The following PPP1R17 variants were observed in gnomAD, a reference collection of about 807,000 sequenced individuals.
The protein encoded by PPP1R17 is protein phosphatase 1 regulatory subunit 17.
Under a neutral mutation model 15.9 loss-of-function variants are expected in PPP1R17, and 12 were observed. The ratio of observed to expected loss-of-function variants is 0.75; its 90% CI spans 0.48 to 1.22. The LOEUF (loss-of-function observed/expected upper bound fraction) is 1.22, where lower values mean the gene tolerates loss of function less well. Among genes scored for constraint, PPP1R17 ranks in the 50% most tolerant of loss-of-function variants. PPP1R17 has a pLI of 0.00. For synonymous variants in PPP1R17, 63 were observed against 64.5 expected (o/e 0.98, Z 0.11); for missense variants, 211 against 187.3 (o/e 1.13, Z -0.74).
chr7:31,700,961 G>A (rs1792824030), intron 4 of PPP1R17, among the ~76,000 whole-genome samples: 1 of 152,132 alleles, frequency 6.6e-6, no homozygotes, highest in African/African-American at 2.4e-5. Flanking sequence ...CATCACCCAA[G>A]AGCTCTGATG....
chr7:31,708,226 T>C lies in PPP1R17; in HGVS notation c.*943T>C, dbSNP rs1176636161. ...CTTGCCCCAGCCTGCAATCTGTGGATGCCCAGGGGAAGGCATACAGGCCTC... is the reference window on the plus strand; with the variant it reads ...CTTGCCCCAGCCTGCAATCTGTGGACGCCCAGGGGAAGGCATACAGGCCTC... On this transcript the variant is annotated 3_prime_UTR_variant, in exon 5 of 5. Transcript: ENST00000342032. The C allele has an allele frequency of 6.6e-6, 1 of 152,212 alleles. No individual in the cohort carries two copies. Among genetic ancestry groups the C allele is most frequent in the Non-Finnish European group, 1.5e-5 (1 of 68,034 alleles). 9.4% of individuals were successfully genotyped at this position (152,212 alleles called of 1,614,324 possible).
chr7:31,688,903 T>C (rs1792219556), intron 1 of PPP1R17, among the ~76,000 whole-genome samples: 1 of 152,176 alleles, frequency 6.6e-6, no homozygotes, highest in African/African-American at 2.4e-5. Flanking sequence ...ATCTGAAACA[T>C]TTTGAAAACC....
At chr7:31,692,007 G>A (rs1792375036) in intron 1 of PPP1R17, among the ~76,000 whole-genome samples, 1 of 152,104 alleles carries the variant, frequency 6.6e-6, no homozygotes, top group Admixed American at 6.5e-5. Context: ...CATCTGTGAA[G>A]TAGACATAAT....
At chr7:31,688,586 G>T (rs2128236617) in intron 1 of PPP1R17, among the ~76,000 whole-genome samples, 2 of 152,318 alleles carry the variant, frequency 1.3e-5, no homozygotes, top group Middle Eastern at 6.8e-3. Context: ...CAAAAGAGAA[G>T]GTGACCTTTG....
chr7:31,707,383 T>C lies in PPP1R17; in HGVS notation c.*100T>C, dbSNP rs759714399. 2 of 1,044,782 alleles carry C rather than the reference T, an allele frequency of 1.9e-6. No individual in the cohort carries two copies. Among genetic ancestry groups the C allele is most frequent in the South Asian group, 1.7e-5 (1 of 59,806 alleles). 64.7% of individuals were successfully genotyped at this position (1,044,782 alleles called of 1,614,324 possible). ...GTTTCTGCTCTCATTTTTGTCATCGTCTGACTTGAAGATTCAGACACCTTC... is the reference window on the plus strand; with the variant it reads ...GTTTCTGCTCTCATTTTTGTCATCGCCTGACTTGAAGATTCAGACACCTTC... On this transcript the variant is annotated 3_prime_UTR_variant, in exon 5 of 5. Transcript: ENST00000342032.
At chr7:31,699,042 C>T (rs886812844) in intron 4 of PPP1R17, among the ~76,000 whole-genome samples, 1 of 152,162 alleles carries the variant, frequency 6.6e-6, no homozygotes, top group Non-Finnish European at 1.5e-5. Flanking sequence ...AAAGTCCTTG[C>T]TCTCATGGTG....
chr7:31,706,725 G>A (rs1303454781), intron 4 of PPP1R17, among the ~76,000 whole-genome samples: 1 of 152,170 alleles, frequency 6.6e-6, no homozygotes, highest in East Asian at 1.9e-4. Flanking sequence ...AGGAAAAGCC[G>A]ACATTTACTT....
intron 4 of PPP1R17, among the ~76,000 whole-genome samples, chr7:31,702,771 A>G (rs1216377680): frequency 6.6e-6 from 1 of 152,212 alleles, no homozygotes; most frequent in Non-Finnish European, 1.5e-5. Flanking sequence ...AATCATTTCT[A>G]CATAGCAATA....
intron 4 of PPP1R17, among the ~76,000 whole-genome samples, chr7:31,702,651 G>C (rs565907044): frequency 6.6e-6 from 1 of 152,310 alleles, no homozygotes; most frequent in East Asian, 1.9e-4. Context: ...CTTGTTGCCT[G>C]TATTGTCGCT....
rs969427589 is a variant in PPP1R17 at position 31,707,547 on chromosome 7, G to T, written c.*264G>T. On this transcript the variant is annotated 3_prime_UTR_variant, in exon 5 of 5. Transcript: ENST00000342032. ...GAAACAGATCATCCTAAATGAGGAG[G>T]TAACAGGGAAAGCACTGGGGTTCGG... 1.2e-5 allele frequency: 5 copies of T among 407,002 alleles called. No homozygotes were observed. Among genetic ancestry groups the T allele is most frequent in the African/African-American group, 8.2e-5 (4 of 48,858 alleles). 25.2% of individuals were successfully genotyped at this position (407,002 alleles called of 1,614,324 possible).
chr7:31,691,655 G>T (rs1019467911), intron 1 of PPP1R17, among the ~76,000 whole-genome samples: 3 of 151,870 alleles, frequency 2.0e-5, no homozygotes, highest in African/African-American at 7.3e-5. Context: ...GGACAGATTT[G>T]TTCTCATGTC....
chr7:31,705,183 T>A (rs1793013770), intron 4 of PPP1R17, among the ~76,000 whole-genome samples: 1 of 152,170 alleles, frequency 6.6e-6, no homozygotes, highest in South Asian at 2.1e-4. Flanking sequence ...CTTTTCTTAT[T>A]CCTGAAATCC....
At chr7:31,699,829 A>G (rs1462778901) in intron 4 of PPP1R17, among the ~76,000 whole-genome samples, 1 of 151,978 alleles carries the variant, frequency 6.6e-6, no homozygotes, top group East Asian at 1.9e-4. Flanking sequence ...GTGATCTGTG[A>G]TCAGTGATGT....
At chr7:31,687,689 T>C (rs189090779) in intron 1 of PPP1R17, among the ~76,000 whole-genome samples, 4 of 152,342 alleles carry the variant, frequency 2.6e-5, no homozygotes, top group East Asian at 3.9e-4. Flanking sequence ...ACTGCCAATT[T>C]AGGTTTTCTA....
At position 31,697,047 on chromosome 7, in the gene PPP1R17, C is replaced by T; in HGVS notation, c.318C>T (p.Asn106=). The change falls in exon 4 of 5, where the codon AAC becomes AAT. Residue 106 remains asparagine, a synonymous_variant. Coordinates refer to ENST00000342032, the MANE Select transcript of PPP1R17 (RefSeq NM_006658.5). ...GCAAAATGATCCCTGTTCTTCATAA[C>T]ACTGACCTGGAACAGAAAAAGCCAA... The part of the protein sequence containing the change: ...PKGKMIPVLH[N]TDLEQKKPRR... 1.2e-6 allele frequency: 2 copies of T among 1,614,108 alleles called. No individual in the cohort carries two copies. Among genetic ancestry groups the T allele is most frequent in the East Asian group, 2.2e-5 (1 of 44,878 alleles).
chr7:31,701,929 T>A (rs1792865429), intron 4 of PPP1R17, among the ~76,000 whole-genome samples: 1 of 152,200 alleles, frequency 6.6e-6, no homozygotes, highest in Non-Finnish European at 1.5e-5. Context: ...AACCAAAAAA[T>A]TTGTATGGCT....
intron 4 of PPP1R17, among the ~76,000 whole-genome samples, chr7:31,699,710 C>G (rs1792760079): frequency 6.6e-6 from 1 of 151,614 alleles, no homozygotes; most frequent in African/African-American, 2.4e-5. Context: ...TCCAGCAGCA[C>G]CATTTTTTCA....
chr7:31,695,401 C>A (rs930589254), intron 2 of PPP1R17, 68 bp from the exon 3 acceptor site: 57 of 1,447,132 alleles, frequency 3.9e-5, no homozygotes, highest in Admixed American at 2.2e-4. Context: ...AATTAGGAAC[C>A]AAACAGTTTG....
intron 4 of PPP1R17, among the ~76,000 whole-genome samples, chr7:31,702,865 G>A (rs1028375964): frequency 9.9e-5 from 15 of 152,070 alleles, no homozygotes; most frequent in African/African-American, 2.7e-4. Flanking sequence ...TTTTCTGTTC[G>A]TGCTTGTATC....
Sources: allele counts gnomAD v4.1 joint callset (sites outside exome capture counted in the v4.1 genomes callset), GRCh38; gene constraint gnomAD v4.1.1; transcripts MANE v1.5; gene names NCBI Gene and HGNC (gene_info 2026-07-23, HGNC 2026-07-21).